EPG5: variants seen among roughly 807,000 people sequenced by gnomAD.
EPG5 encodes the protein ectopic P-granules 5 autophagy tethering factor.
In EPG5, 159 loss-of-function variants were observed where a neutral mutation model predicts 302.7. That is an observed-to-expected ratio of 0.53 (90% CI 0.46 to 0.60). The LOEUF (loss-of-function observed/expected upper bound fraction) is 0.60, where lower values mean the gene tolerates loss of function less well. Among genes scored for constraint, EPG5 ranks in the 20% least tolerant of loss-of-function variants. The pLI, the probability that EPG5 is intolerant of heterozygous loss-of-function variation, is 0.00. For synonymous variants in EPG5, 1,158 were observed against 1,136.8 expected (o/e 1.02, Z -0.37); for missense variants, 2,896 against 3,092.4 (o/e 0.94, Z 1.51).
chr18:45,887,293 G>C (rs1216163332), intron 29 of EPG5, among the ~76,000 whole-genome samples: 1 of 152,216 alleles, frequency 6.6e-6, no homozygotes, highest in Non-Finnish European at 1.5e-5. Flanking sequence ...CAAGCACTGA[G>C]TGTTGTCAGA....
chr18:45,916,164 CG>C lies in EPG5; in HGVS notation c.3426del (p.Val1143LeufsTer12). On this transcript the variant is annotated frameshift_variant, in exon 19 of 44. Coordinates refer to ENST00000282041, the MANE Select transcript of EPG5 (RefSeq NM_020964.3). LOFTEE classifies it high-confidence loss of function. ...SVSTQPNEVGPVAVLEFWVQA... is the reference protein window; with the variant it reads ...SVSTQPNEVGXVAVLEFWVQA... ...TGAACCCAGAACTCCAACACAGCAA[CG>C]GGGCCCACTTCATTGGGCTGAGTGC... 2 of 1,613,998 alleles carry C rather than the reference CG, an allele frequency of 1.2e-6. No individual in the cohort carries two copies. Among genetic ancestry groups the C allele is most frequent in the Non-Finnish European group, 1.7e-6 (2 of 1,179,940 alleles).
rs373867789 is a variant in EPG5 at position 45,919,047 on chromosome 18, A to G, written c.3099-1228T>C. Among the ~76,000 whole-genome samples, 4 of 152,362 alleles carry G rather than the reference A, an allele frequency of 2.6e-5. No homozygotes were observed. In the East Asian group the frequency reaches 5.8e-4, roughly 22 times the overall value. On this transcript the variant is annotated intron_variant, in intron 16 of 43. Coordinates refer to ENST00000282041, the MANE Select transcript of EPG5 (RefSeq NM_020964.3). ...ACTAAGGATATAAAATTATACATAC[A>G]TCTTTAAAAAGATCAAAGGAAAAAT...
intron 30 of EPG5, 50 bp from the exon 31 acceptor site, chr18:45,882,537 G>A (rs781564030): frequency 6.7e-7 from 1 of 1,492,210 alleles, no homozygotes; most frequent in East Asian, 2.3e-5. Flanking sequence ...TAGAAAAATA[G>A]TTTAAGAGGA....
At position 45,887,800 on chromosome 18, in the gene EPG5, T is replaced by C; in HGVS notation, c.5060A>G (p.His1687Arg). 6.3e-7 allele frequency: 1 copy of C among 1,599,610 alleles called. No homozygotes were observed. Among genetic ancestry groups the C allele is most frequent in the Non-Finnish European group, 8.6e-7 (1 of 1,169,066 alleles). Residue 1687 changes from histidine (H) to arginine (R), a missense_variant, in exon 29 of 44, where the codon CAT becomes CGT. Transcript: ENST00000282041. ...VDYVSDETQR[H>R]PPTRQFFTSC... is the part of the protein sequence containing the mutation. ...AGTAAAGAACTGCCTTGTTGGGGGA[T>C]GACGCTGCGTCTCATCGCTGACGTA... is the stretch of plus-strand genomic sequence containing the variant.
intron 6 of EPG5, among the ~76,000 whole-genome samples, chr18:45,947,844 C>T (rs1189073235): frequency 6.6e-6 from 1 of 152,106 alleles, no homozygotes; most frequent in African/African-American, 2.4e-5. Context: ...ACGATCTCAG[C>T]TCACTGCAAC....
intron 35 of EPG5, among the ~76,000 whole-genome samples, chr18:45,871,399 A>G (rs1319400633): frequency 6.6e-6 from 1 of 152,202 alleles, no homozygotes; most frequent in East Asian, 1.9e-4. Flanking sequence ...AAAATAGACT[A>G]CCATATGATC....
At position 45,849,853 on chromosome 18, in the gene EPG5, T is replaced by C. The variant is rs1263302554; in HGVS notation, c.*2614A>G. On this transcript the variant is annotated 3_prime_UTR_variant, in exon 44 of 44. Transcript: ENST00000282041. ...GAAACATGTACAGGTGGGTCCCGAA[T>C]CCACTGCTACTGTCATGCTATGTAG... The C allele has an allele frequency of 6.6e-6, 1 of 152,242 alleles. No homozygotes were observed. Among genetic ancestry groups the C allele is most frequent in the Non-Finnish European group, 1.5e-5 (1 of 68,058 alleles). 9.4% of individuals were successfully genotyped at this position (152,242 alleles called of 1,614,324 possible).
At chr18:45,803,740 G>A in the EPG5 span, among the ~76,000 whole-genome samples, 107,411 of 151,986 alleles carry the variant, frequency 0.71, 38,578 homozygotes, top group East Asian at 0.92. Context: ...AGAACAAAAA[G>A]CAGATATGAG....
At chr18:45,801,642 C>T in the EPG5 span, among the ~76,000 whole-genome samples, 1 of 152,134 alleles carries the variant, frequency 6.6e-6, no homozygotes, top group African/African-American at 2.4e-5. Flanking sequence ...TTATTCATTC[C>T]CCTCCCTCCC....
At chr18:45,888,296 T>C (rs1036540404) in intron 28 of EPG5, among the ~76,000 whole-genome samples, 4 of 150,998 alleles carry the variant, frequency 2.6e-5, no homozygotes, top group Non-Finnish European at 4.4e-5. Context: ...CTTTTATTTA[T>C]TTTATTTTAT....
At chr18:45,814,491 T>C in the EPG5 span, among the ~76,000 whole-genome samples, 1 of 152,254 alleles carries the variant, frequency 6.6e-6, no homozygotes, top group Non-Finnish European at 1.5e-5. Flanking sequence ...AGATTTTGTA[T>C]ATGGAATGCA....
intron 30 of EPG5, among the ~76,000 whole-genome samples, chr18:45,884,319 G>A (rs2049170287): frequency 6.6e-6 from 1 of 152,158 alleles, no homozygotes; most frequent in Non-Finnish European, 1.5e-5. Flanking sequence ...AGGTGGAACA[G>A]TTTCATCCCA....
intron 39 of EPG5, 142 bp downstream of exon 39, chr18:45,865,473 G>A (rs1440839597): frequency 3.4e-6 from 3 of 884,572 alleles, no homozygotes; most frequent in South Asian, 1.7e-5. Flanking sequence ...CTGAGTCCCT[G>A]GTGTCCAAAC....
the EPG5 span, among the ~76,000 whole-genome samples, chr18:45,830,617 G>A: frequency 1.7e-5 from 2 of 118,708 alleles, no homozygotes; most frequent in South Asian, 2.7e-4. Flanking sequence ...ACGGAGTCTC[G>A]CTCTGTCACC....
In EPG5 at chr18:45,875,203, C is replaced by A. The variant is rs2048944978; in HGVS notation, c.6049+1033G>T. 2.0e-5 allele frequency among the ~76,000 whole-genome samples: 3 copies of A among 152,118 alleles called. No individual in the cohort carries two copies. The South Asian group carries it at 6.2e-4, about 32-fold the overall frequency. ...GGACTTACACACCCTCAGCCTAGGC[C>A]TTATGAGATTCCCATCAGTCTCTCT... On this transcript the variant is annotated intron_variant, in intron 35 of 43. Transcript: ENST00000282041.
rs563606493 is a variant in EPG5 at position 45,861,910 on chromosome 18, A to G, written c.6767-1564T>C. ...TACTGATGTAGCTGGGTCTAAATCT[A>G]CTGTCTTCCTATATGTATCCTATTT... On this transcript the variant is annotated intron_variant, in intron 39 of 43. Transcript: ENST00000282041. Among the ~76,000 whole-genome samples, 31 of 152,182 alleles carry G rather than the reference A, an allele frequency of 2.0e-4. 1 individual carries two copies. The South Asian group carries it at 6.2e-3, about 31-fold the overall frequency.
At chr18:45,871,877 G>A (rs1488930772) in intron 35 of EPG5, among the ~76,000 whole-genome samples, 3 of 151,510 alleles carry the variant, frequency 2.0e-5, no homozygotes, top group Non-Finnish European at 4.4e-5. Context: ...TGTACAGCAG[G>A]GTGACTACCG....
intron 30 of EPG5, 114 bp downstream of exon 30, chr18:45,884,503 A>G (rs2049176077): frequency 1.1e-6 from 1 of 918,612 alleles, no homozygotes. Flanking sequence ...AAGGCCTCTC[A>G]GCCTCTGCTG....
intron 29 of EPG5, among the ~76,000 whole-genome samples, chr18:45,887,124 G>A (rs1421915800): frequency 6.6e-6 from 1 of 152,102 alleles, no homozygotes; most frequent in East Asian, 1.9e-4. Context: ...TCAAACAAGA[G>A]GTTTTCCTTT....
Sources: gnomAD v4.1 joint callset for allele counts (sites outside exome capture counted in the v4.1 genomes callset) on GRCh38, gnomAD v4.1.1 for gene constraint, MANE v1.5 for transcripts, NCBI Gene and HGNC (gene_info 2026-07-23, HGNC 2026-07-21) for gene names.